Variants in CSMD1 observed in about 807,000 individuals in gnomAD.
CSMD1 encodes the protein CUB and Sushi multiple domains 1, also known as CUB and sushi domain-containing protein 1.
Under a neutral mutation model 417.5 loss-of-function variants are expected in CSMD1, and 213 were observed. The observed-to-expected ratio is 0.51, with a 90% CI of 0.46 to 0.57. CSMD1 has a LOEUF of 0.57. Among genes scored for constraint, CSMD1 ranks in the 20% least tolerant of loss-of-function variants. The pLI, the probability that CSMD1 is intolerant of heterozygous loss-of-function variation, is 0.00. For missense variants in CSMD1, 6,923 were observed against 4,529.7 expected, an observed-to-expected ratio of 1.53 and a Z score of -15.17; for synonymous variants, 2,862 against 1,736.8, an observed-to-expected ratio of 1.65 and a Z score of -16.11.
chr8:4,280,181 T>C (rs769737016), intron 3 of CSMD1, among the ~76,000 whole-genome samples: 11 of 152,238 alleles, frequency 7.2e-5, no homozygotes, highest in Non-Finnish European at 1.6e-4. Flanking sequence ...GATTTTACCA[T>C]GGCCTATTTC....
chr8:3,307,620 TAC>T, intron 25 of CSMD1, 73 bp downstream of exon 25: 1 of 1,459,280 alleles, frequency 6.9e-7, no homozygotes, highest in Non-Finnish European at 9.4e-7. Flanking sequence ...ATATTTGGTG[TAC>T]CACTATCTCT....
At chr8:4,384,398 T>A (rs1284084790) in intron 3 of CSMD1, among the ~76,000 whole-genome samples, 1 of 152,164 alleles carries the variant, frequency 6.6e-6, no homozygotes, top group Non-Finnish European at 1.5e-5. Flanking sequence ...TTAAATACTT[T>A]TGGAAAATAT....
At chr8:3,504,096 A>C (rs1004879913) in intron 10 of CSMD1, among the ~76,000 whole-genome samples, 3 of 152,152 alleles carry the variant, frequency 2.0e-5, no homozygotes, top group Non-Finnish European at 4.4e-5. Context: ...ACAGGAATTT[A>C]AATGTCTCCA....
intron 2 of CSMD1, among the ~76,000 whole-genome samples, chr8:4,545,280 G>A (rs1176986681): frequency 6.6e-6 from 1 of 152,176 alleles, no homozygotes; most frequent in Non-Finnish European, 1.5e-5. Context: ...AATGAAAGAT[G>A]AAATACTTGT....
At chr8:4,153,345 C>T (rs1352389687) in intron 3 of CSMD1, among the ~76,000 whole-genome samples, 1 of 152,186 alleles carries the variant, frequency 6.6e-6, no homozygotes, top group African/African-American at 2.4e-5. Context: ...GTGAACTTGA[C>T]TGTGTCTCTT....
intron 7 of CSMD1, among the ~76,000 whole-genome samples, chr8:3,675,961 A>T (rs1022797000): frequency 6.6e-6 from 1 of 152,140 alleles, no homozygotes; most frequent in African/African-American, 2.4e-5. Context: ...TTCTCAGCCC[A>T]GGCCTGCCAT....
chr8:3,273,455 T>G (rs948512677), intron 26 of CSMD1, among the ~76,000 whole-genome samples: 1 of 150,538 alleles, frequency 6.6e-6, no homozygotes, highest in African/African-American at 2.4e-5. Flanking sequence ...ATAAAATGAG[T>G]TAGGGAGGAT....
chr8:4,023,471 G>C (rs950219934), intron 4 of CSMD1, among the ~76,000 whole-genome samples: 6 of 152,154 alleles, frequency 3.9e-5, no homozygotes, highest in African/African-American at 1.4e-4. Context: ...TAGCATTAGG[G>C]ATTGCAATGT....
chr8:3,834,085 T>C (rs1802527848), intron 5 of CSMD1, among the ~76,000 whole-genome samples: 1 of 152,192 alleles, frequency 6.6e-6, no homozygotes, highest in Admixed American at 6.6e-5. Flanking sequence ...ATACTTTGAT[T>C]TCCTTTCTTA....
At chr8:3,678,805 C>A (rs562531836) in intron 7 of CSMD1, among the ~76,000 whole-genome samples, 2 of 152,140 alleles carry the variant, frequency 1.3e-5, no homozygotes, top group South Asian at 2.1e-4. Context: ...GGGTTACCCA[C>A]AAAGGGAAGC....
At chr8:4,159,682 G>A (rs563122848) in intron 3 of CSMD1, among the ~76,000 whole-genome samples, 45 of 152,188 alleles carry the variant, frequency 3.0e-4, no homozygotes, top group African/African-American at 9.6e-4. Flanking sequence ...TCCCCCTCCC[G>A]GGTTCACGCC....
chr8:3,316,581 C>T (rs78883634), intron 23 of CSMD1, among the ~76,000 whole-genome samples: 6,309 of 152,188 alleles, frequency 0.041, 421 homozygotes, highest in African/African-American at 0.14. Context: ...GCCATCCACT[C>T]AGAGGGAGAA....
chr8:4,059,597 A>C (rs1292656224), intron 3 of CSMD1, among the ~76,000 whole-genome samples: 3 of 152,130 alleles, frequency 2.0e-5, no homozygotes, highest in African/African-American at 7.2e-5. Flanking sequence ...GCAATAAAAA[A>C]TGATAAAGGG....
intron 2 of CSMD1, among the ~76,000 whole-genome samples, chr8:4,488,310 G>A (rs746480048): frequency 9.9e-5 from 15 of 152,156 alleles, no homozygotes; most frequent in Non-Finnish European, 4.4e-5. Context: ...CACAGGAGTA[G>A]TTAACATGTG....
rs149476135 is a variant in CSMD1, at chr8:3,349,210, G to T, written c.3305-1049C>A. ...GGATGCACAGTATTCCTTTTCCACTGGGTTGCTCAAGGTACTGCAGAATTT... is the reference window on the plus strand; with the variant it reads ...GGATGCACAGTATTCCTTTTCCACTTGGTTGCTCAAGGTACTGCAGAATTT... On this transcript the variant is annotated intron_variant, in intron 21 of 69. Transcript: ENST00000635120. Among the ~76,000 whole-genome samples, 209 of 152,268 alleles carry T rather than the reference G, an allele frequency of 1.4e-3. 1 individual carries two copies. Among genetic ancestry groups the T allele is most frequent in the African/African-American group, 4.5e-3 (189 of 41,562 alleles).
intron 1 of CSMD1, among the ~76,000 whole-genome samples, chr8:4,909,741 C>T (rs965006236): frequency 6.6e-6 from 1 of 152,186 alleles, no homozygotes. Context: ...GTGATCTCAC[C>T]TGTATATAGC....
Position 3,092,144 on chromosome 8 carries a change from G to C in CSMD1, c.7139-482C>G, listed in dbSNP as rs553417188. Among the ~76,000 whole-genome samples the C allele has an allele frequency of 2.0e-5, 3 of 152,106 alleles. No homozygotes were observed. In the South Asian group the frequency reaches 6.2e-4, roughly 32 times the overall value. ...AGTATTATTTATATAGTGAACATGT[G>C]TATTCTAACACTATTTCTCATGGCA... On this transcript the variant is annotated intron_variant, in intron 47 of 69. Transcript: ENST00000635120.
intron 4 of CSMD1, among the ~76,000 whole-genome samples, chr8:4,023,637 A>G (rs1333995683): frequency 2.7e-5 from 4 of 147,030 alleles, no homozygotes; most frequent in Non-Finnish European, 5.9e-5. Context: ...CCCAGGCTAG[A>G]GTGCAGTGGC....
At chr8:3,196,335 C>G (rs946395988) in intron 33 of CSMD1, among the ~76,000 whole-genome samples, 1 of 152,120 alleles carries the variant, frequency 6.6e-6, no homozygotes, top group Non-Finnish European at 1.5e-5. Context: ...AGCATATAAT[C>G]AAGAAATAAT....
Sources: gnomAD v4.1 joint callset for allele counts (sites outside exome capture counted in the v4.1 genomes callset) on GRCh38, gnomAD v4.1.1 for gene constraint, MANE v1.5 for transcripts, NCBI Gene and HGNC (gene_info 2026-07-23, HGNC 2026-07-21) for gene names.